Variants in KCNQ3 observed in about 807,000 individuals in gnomAD.
KCNQ3 encodes potassium voltage-gated channel subfamily KQT member 3.
In KCNQ3, 30 loss-of-function variants were observed where a neutral mutation model predicts 92.5. That is an observed-to-expected ratio of 0.32 (90% CI 0.24 to 0.44). The LOEUF (loss-of-function observed/expected upper bound fraction) is 0.44, where lower values mean the gene tolerates loss of function less well. KCNQ3 is among the 20% of genes least tolerant of loss of function. The probability of loss-of-function intolerance (pLI) is 1.00; values close to 1 mark genes in which losing one functional copy is unlikely to be tolerated. For synonymous variants in KCNQ3, 450 were observed against 468.8 expected (o/e 0.96, Z 0.52); for missense variants, 913 against 1,140.3 (o/e 0.80, Z 2.87).
rs116886330 is a variant in KCNQ3, at chr8:132,190,404, G to A, written c.387-4223C>T. ...CAAAGGCAACTGGATAGTCATGCCT[G>A]TGATTGTTACATTATATAAGACTCT... On this transcript the variant is annotated intron_variant, in intron 1 of 14. Coordinates refer to ENST00000388996, the MANE Select transcript of KCNQ3 (RefSeq NM_004519.4). Among the ~76,000 whole-genome samples, 251 of 152,156 alleles carry A rather than the reference G, an allele frequency of 1.6e-3. 6 individuals carry two copies. The East Asian group carries it at 0.043, about 26-fold the overall frequency.
At chr8:132,441,651 G>A (rs1219203008) in intron 1 of KCNQ3, among the ~76,000 whole-genome samples, 1 of 152,174 alleles carries the variant, frequency 6.6e-6, no homozygotes, top group Non-Finnish European at 1.5e-5. Context: ...TAATGGGATT[G>A]CTGGGTTGAA....
chr8:132,449,793 G>A (rs972954738), intron 1 of KCNQ3, among the ~76,000 whole-genome samples: 1 of 152,166 alleles, frequency 6.6e-6, no homozygotes, highest in East Asian at 1.9e-4. Flanking sequence ...AAGGGTCAAG[G>A]CTAGTTTCCA....
chr8:132,472,935 G>A (rs1822327949), intron 1 of KCNQ3, among the ~76,000 whole-genome samples: 1 of 152,132 alleles, frequency 6.6e-6, no homozygotes, highest in African/African-American at 2.4e-5. Context: ...TTGGGATGTA[G>A]GCAGTATTAT....
chr8:132,469,717 G>A (rs1453672700), intron 1 of KCNQ3, among the ~76,000 whole-genome samples: 1 of 152,038 alleles, frequency 6.6e-6, no homozygotes, highest in Non-Finnish European at 1.5e-5. Context: ...ACCCTGATCG[G>A]TGGGAAAAAC....
intron 1 of KCNQ3, among the ~76,000 whole-genome samples, chr8:132,278,653 C>T: frequency 6.6e-6 from 1 of 152,212 alleles, no homozygotes; most frequent in East Asian, 1.9e-4. Context: ...TGAAGACCAG[C>T]AGCATCAGCA....
intron 1 of KCNQ3, among the ~76,000 whole-genome samples, chr8:132,324,066 A>G (rs1817971575): frequency 6.6e-6 from 1 of 151,992 alleles, no homozygotes. Flanking sequence ...TCATCCCTCC[A>G]TATCTTAGTT....
rs11781360 is a variant in KCNQ3 at position 132,439,811 on chromosome 8, T to G, written c.386+40336A>C. Among the ~76,000 whole-genome samples, 959 of 152,322 alleles carry G rather than the reference T, an allele frequency of 6.3e-3. 4 individuals carry two copies. The highest frequency in any genetic ancestry group is 9.4e-3 in the Non-Finnish European group (640 of 68,042). ...CACCTTGTTTTACCCCAGTGAGACC[T>G]ATTTTGGACTTCTGACCTTCAGACA... is the stretch of plus-strand genomic sequence containing the variant. On this transcript the variant is annotated intron_variant, in intron 1 of 14. Transcript: ENST00000388996.
In KCNQ3 at chr8:132,128,803, T is replaced by G; in HGVS notation, c.*459A>C. The G allele has an allele frequency of 5.8e-6, 1 of 173,208 alleles. No homozygotes were observed. Among genetic ancestry groups the G allele is most frequent in the Non-Finnish European group, 1.3e-5 (1 of 79,258 alleles). 10.7% of individuals were successfully genotyped at this position (173,208 alleles called of 1,614,324 possible). On this transcript the variant is annotated 3_prime_UTR_variant, in exon 15 of 15. Coordinates refer to ENST00000388996, the MANE Select transcript of KCNQ3 (RefSeq NM_004519.4). ...ACACAATGTGGTTTTGTTGAGAAAA[T>G]TATTTCCTTGCTTTCAAAAACAGTT...
chr8:132,394,790 G>A (rs1246040289), intron 1 of KCNQ3, among the ~76,000 whole-genome samples: 1 of 152,200 alleles, frequency 6.6e-6, no homozygotes, highest in Non-Finnish European at 1.5e-5. Flanking sequence ...TATTTAACCA[G>A]CACCCAGCAC....
chr8:132,129,314 G>A lies in KCNQ3; in HGVS notation c.2567C>T (p.Thr856Ile), dbSNP rs762078830. The A allele has an allele frequency of 1.9e-6, 3 of 1,614,098 alleles. No individual in the cohort carries two copies. In the Admixed American group the frequency reaches 5.0e-5, roughly 27 times the overall value. ...TPSGSMPLSS[T>I]GDGISDSVWT... Reference sequence around the variant, plus strand: ...TACTGAATCAGAAATCCCATCCCCTGTGGACGACAGAGGCATGGAGCCGCT... The same window carrying A: ...TACTGAATCAGAAATCCCATCCCCTATGGACGACAGAGGCATGGAGCCGCT... The change falls in exon 15 of 15, where the codon ACA becomes ATA. Residue 856 changes from threonine to isoleucine, a missense_variant. Thr to Ile is a moderately conservative substitution (Grantham distance 89, BLOSUM62 -1). Transcript: ENST00000388996. The surrounding 1 kb of genome is among the most constrained non-coding windows in gnomAD (Gnocchi z 5.9).
At chr8:132,433,963 C>G (rs1014512979) in intron 1 of KCNQ3, among the ~76,000 whole-genome samples, 11 of 151,676 alleles carry the variant, frequency 7.3e-5, no homozygotes, top group African/African-American at 2.7e-4. Flanking sequence ...AATCCCAGCA[C>G]TTTGGGAGGC....
intron 1 of KCNQ3, among the ~76,000 whole-genome samples, chr8:132,458,667 C>T (rs1821997111): frequency 6.6e-6 from 1 of 152,180 alleles, no homozygotes; most frequent in Admixed American, 6.5e-5. Flanking sequence ...GTTGGCCAAG[C>T]TGGTCTCGAA....
intron 1 of KCNQ3, among the ~76,000 whole-genome samples, chr8:132,207,796 G>A (rs1813712034): frequency 6.6e-6 from 1 of 151,396 alleles, no homozygotes; most frequent in South Asian, 2.1e-4. Context: ...TCAGATCTGA[G>A]TCCTGTGATG....
intron 1 of KCNQ3, among the ~76,000 whole-genome samples, chr8:132,215,098 C>A (rs956785345): frequency 6.6e-6 from 1 of 152,246 alleles, no homozygotes; most frequent in East Asian, 1.9e-4. Flanking sequence ...GCAGATGGAG[C>A]CATGCACTCG....
intron 9 of KCNQ3, among the ~76,000 whole-genome samples, chr8:132,154,191 AAGTTTTTTT>A (rs1259165676): frequency 6.0e-4 from 9 of 15,076 alleles, no homozygotes; most frequent in African/African-American, 2.8e-3. Flanking sequence ...AAAAGGGTAA[AAGTTTTTTT>A]TTTTTTTTTT....
chr8:132,154,125 T>C lies in KCNQ3; in HGVS notation c.1262+9343A>G, dbSNP rs1825719625. Among the ~76,000 whole-genome samples, 4 of 150,622 alleles carry C rather than the reference T, an allele frequency of 2.7e-5. No individual in the cohort carries two copies. The South Asian group carries it at 8.6e-4, about 32-fold the overall frequency. ...AAAGTTAATGTCCCAAACCTTAAGCTGGTTGGCTTAGGACTAGGCTCAGCG... is the reference window on the plus strand; with the variant it reads ...AAAGTTAATGTCCCAAACCTTAAGCCGGTTGGCTTAGGACTAGGCTCAGCG... On this transcript the variant is annotated intron_variant, in intron 9 of 14. Transcript: ENST00000388996.
intron 1 of KCNQ3, among the ~76,000 whole-genome samples, chr8:132,273,505 C>T (rs1395450183): frequency 2.6e-5 from 4 of 152,166 alleles, no homozygotes; most frequent in South Asian, 4.1e-4. Flanking sequence ...GAGGGGCTGC[C>T]GTGAAGACCT....
intron 1 of KCNQ3, among the ~76,000 whole-genome samples, chr8:132,287,647 T>C (rs59778108): frequency 0.026 from 3,944 of 152,320 alleles, 184 homozygotes; most frequent in African/African-American, 0.089. Flanking sequence ...ACCTTGAAAT[T>C]TGGTGGATCA....
intron 1 of KCNQ3, among the ~76,000 whole-genome samples, chr8:132,448,962 G>A (rs915180319): frequency 6.6e-6 from 1 of 152,214 alleles, no homozygotes; most frequent in Non-Finnish European, 1.5e-5. Flanking sequence ...ACGGGTTAGA[G>A]ACTGGTGAGG....
Sources: gnomAD v4.1 joint callset for allele counts (sites outside exome capture counted in the v4.1 genomes callset) on GRCh38, gnomAD v4.1.1 for gene constraint, Gnocchi (gnomAD v3.1) non-coding constraint, MANE v1.5 for transcripts, NCBI Gene and HGNC (gene_info 2026-07-23, HGNC 2026-07-21) for gene names.